PIK3C2G: variants seen among roughly 807,000 people sequenced by gnomAD.
PIK3C2G encodes the protein phosphatidylinositol-4-phosphate 3-kinase catalytic subunit type 2 gamma.
In PIK3C2G, 168 loss-of-function variants were observed where a neutral mutation model predicts 181.1. The ratio of observed to expected loss-of-function variants is 0.93; its 90% CI spans 0.82 to 1.05. The LOEUF is 1.05. PIK3C2G is among the 50% of genes least tolerant of loss of function. PIK3C2G has a pLI of 0.00. For missense variants in PIK3C2G, 1,869 were observed against 1,732.8 expected, an observed-to-expected ratio of 1.08 and a Z score of -1.40; for synonymous variants, 573 against 592.2, an observed-to-expected ratio of 0.97 and a Z score of 0.47.
chr12:18,337,807 T>C (rs937818592), intron 8 of PIK3C2G, among the ~76,000 whole-genome samples: 1 of 152,160 alleles, frequency 6.6e-6, no homozygotes, highest in Non-Finnish European at 1.5e-5. Context: ...AGGACAAACA[T>C]CCAAACTATA....
At chr12:18,377,173 C>A (rs991973379) in intron 13 of PIK3C2G, among the ~76,000 whole-genome samples, 6 of 152,102 alleles carry the variant, frequency 3.9e-5, no homozygotes, top group Non-Finnish European at 7.4e-5. Context: ...CAGCAATGGG[C>A]ACATAGAATA....
chr12:18,693,560 G>A, the PIK3C2G span: 4 of 1,604,560 alleles, frequency 2.5e-6, no homozygotes, highest in African/African-American at 1.3e-5. Context: ...GTACCTAGGT[G>A]ATGGGCCCAA....
At chr12:18,273,956 A>G (rs1311241394) in intron 1 of PIK3C2G, among the ~76,000 whole-genome samples, 2 of 152,174 alleles carry the variant, frequency 1.3e-5, no homozygotes, top group African/African-American at 4.8e-5. Context: ...ACAAATTTAC[A>G]AGAAAAAAAA....
intron 24 of PIK3C2G, among the ~76,000 whole-genome samples, chr12:18,507,990 G>A (rs943251891): frequency 2.6e-5 from 4 of 152,260 alleles, no homozygotes; most frequent in African/African-American, 9.6e-5. Context: ...AATTAAAAAT[G>A]TGCCCAGCAT....
chr12:18,324,624 C>G lies in PIK3C2G; in HGVS notation c.1209-411C>G, dbSNP rs571985348. On this transcript the variant is annotated intron_variant, in intron 7 of 32. Transcript: ENST00000538779. ...GGTTTGGTGTCAGAGACAACCCCAT[C>G]TATTATAAATATAAGCCATTAATTC... is the stretch of plus-strand genomic sequence containing the variant. 2.7e-4 allele frequency among the ~76,000 whole-genome samples: 41 copies of G among 152,280 alleles called. 1 individual carries two copies. The highest frequency in any genetic ancestry group is 3.4e-3 in the Middle Eastern group (1 of 294).
At chr12:18,346,234 T>C (rs1939657463) in intron 10 of PIK3C2G, among the ~76,000 whole-genome samples, 1 of 152,204 alleles carries the variant, frequency 6.6e-6, no homozygotes, top group Non-Finnish European at 1.5e-5. Flanking sequence ...TCAAATTTAT[T>C]ATGATTAATT....
At chr12:18,711,326 T>C in the PIK3C2G span, among the ~76,000 whole-genome samples, 1 of 131,186 alleles carries the variant, frequency 7.6e-6, no homozygotes, top group Non-Finnish European at 1.5e-5. Context: ...TAGGTGGGAA[T>C]TGAACAATGA....
chr12:18,592,242 G>A (rs952893111), intron 29 of PIK3C2G, among the ~76,000 whole-genome samples: 2 of 151,784 alleles, frequency 1.3e-5, no homozygotes, highest in African/African-American at 2.4e-5. Flanking sequence ...ATACATTAGA[G>A]TAATAAGAGA....
chr12:18,700,320 A>C, the PIK3C2G span, among the ~76,000 whole-genome samples: 3 of 151,942 alleles, frequency 2.0e-5, no homozygotes, highest in Admixed American at 1.3e-4. Context: ...TTGCCATTTC[A>C]CAACCTGGCA....
intron 18 of PIK3C2G, among the ~76,000 whole-genome samples, chr12:18,472,515 A>G (rs1285666199): frequency 3.9e-5 from 6 of 152,126 alleles, no homozygotes; most frequent in Non-Finnish European, 8.8e-5. Context: ...GGTCATCACG[A>G]TCACCCTCAT....
chr12:18,404,939 A>T (rs2135586752), intron 16 of PIK3C2G, among the ~76,000 whole-genome samples: 1 of 152,286 alleles, frequency 6.6e-6, no homozygotes, highest in Non-Finnish European at 1.5e-5. Context: ...CCATTTGAAA[A>T]ATGGTCTGGG....
At chr12:18,256,764 C>T (rs751697056), upstream of PIK3C2G, among the ~76,000 whole-genome samples, 9 of 152,086 alleles carry the variant, frequency 5.9e-5, no homozygotes, top group Non-Finnish European at 1.3e-4. Flanking sequence ...TTCTAGCCTG[C>T]AATATCTGTG....
Position 18,594,905 on chromosome 12 carries a change from C to A in PIK3C2G, c.4087+336C>A, listed in dbSNP as rs1947277121. ...TTTTATTTTGATTATAATATTATTT[C>A]TTTGAAAGGTGTTTTGAAATACATT... On this transcript the variant is annotated intron_variant, in intron 30 of 32. Transcript: ENST00000538779. Among the ~76,000 whole-genome samples, 3 of 151,950 alleles carry A rather than the reference C, an allele frequency of 2.0e-5. No homozygotes were observed. In the South Asian group the frequency reaches 6.2e-4, roughly 32 times the overall value.
intron 27 of PIK3C2G, 118 bp downstream of exon 27, chr12:18,563,010 A>G (rs1296895197): frequency 1.4e-6 from 1 of 696,582 alleles, no homozygotes; most frequent in Non-Finnish European, 2.4e-6. Flanking sequence ...AATGAAAAAT[A>G]ATTTACAATT....
chr12:18,591,749 T>C (rs1227701458), intron 29 of PIK3C2G, among the ~76,000 whole-genome samples: 2 of 151,846 alleles, frequency 1.3e-5, no homozygotes, highest in Non-Finnish European at 2.9e-5. Context: ...ATTATTAGAT[T>C]TTCATTTTGA....
In PIK3C2G at chr12:18,496,157, A is replaced by G. The variant is rs1379571591; in HGVS notation, c.2886+3A>G. 2.0e-6 allele frequency: 3 copies of G among 1,480,922 alleles called. No homozygotes were observed. The highest frequency in any genetic ancestry group is 4.8e-5 in the East Asian group (2 of 41,240). The allele number at this position is 1,480,922 out of a possible 1,614,324, so 91.7% of individuals were successfully genotyped here. ...AAAACATCAGCATTATTTTTAAGGT[A>G]TGGTAGCGCTCTTAAAACATGAATT... On this transcript the variant is annotated splice_donor_region_variant and intron_variant, in intron 21 of 32. Transcript: ENST00000538779.
intron 30 of PIK3C2G, 94 bp downstream of exon 30, chr12:18,594,663 A>G: frequency 1.6e-6 from 1 of 617,484 alleles, no homozygotes; most frequent in Non-Finnish European, 2.7e-6. Context: ...TTTCAATTAA[A>G]ATCTCTTTTT....
intron 18 of PIK3C2G, among the ~76,000 whole-genome samples, chr12:18,448,804 T>C (rs187062454): frequency 6.6e-6 from 1 of 151,770 alleles, no homozygotes; most frequent in Non-Finnish European, 1.5e-5. Context: ...AAATTATATG[T>C]ATATATTATA....
chr12:18,311,030 T>G (rs1160838011), intron 5 of PIK3C2G, among the ~76,000 whole-genome samples: 1 of 152,044 alleles, frequency 6.6e-6, no homozygotes, highest in Non-Finnish European at 1.5e-5. Flanking sequence ...GGGAAGAATT[T>G]TTCTTATCTC....
Sources: allele counts gnomAD v4.1 joint callset (sites outside exome capture counted in the v4.1 genomes callset), GRCh38; gene constraint gnomAD v4.1.1; transcripts MANE v1.5; gene names NCBI Gene and HGNC (gene_info 2026-07-23, HGNC 2026-07-21).